Variants in FRMPD4 observed in about 807,000 individuals in gnomAD.
The protein encoded by FRMPD4 is FERM and PDZ domain containing 4, also known as FERM and PDZ domain-containing protein 4.
Under a neutral mutation model 94.1 loss-of-function variants are expected in FRMPD4, and 22 were observed. The observed-to-expected ratio is 0.23, with a 90% CI of 0.17 to 0.33. The LOEUF (loss-of-function observed/expected upper bound fraction) is 0.33, where lower values mean the gene tolerates loss of function less well. Ranked by LOEUF, FRMPD4 falls within the 10% of genes least tolerant of loss-of-function variation. FRMPD4 has a pLI of 1.00. For synonymous variants in FRMPD4, 631 were observed against 548.6 expected (o/e 1.15, Z -2.10); for missense variants, 1,111 against 1,339.9 (o/e 0.83, Z 2.67).
At chrX:12,626,794 G>A (rs1237816157) in intron 4 of FRMPD4, among the ~76,000 whole-genome samples, 2 of 106,772 alleles carry the variant, frequency 1.9e-5, no homozygotes, top group Non-Finnish European at 3.9e-5. Flanking sequence ...CATTTAGAAG[G>A]GATCCATCCA....
At chrX:12,196,769 G>A (rs5979548) in intron 1 of FRMPD4, among the ~76,000 whole-genome samples, 452 of 109,940 alleles carry the variant, frequency 4.1e-3, no homozygotes, top group African/African-American at 0.014. Context: ...GGAAGTACAT[G>A]TAGCCAGGTA....
At chrX:12,434,717 C>T (rs1306403945) in intron 1 of FRMPD4, among the ~76,000 whole-genome samples, 3 of 112,397 alleles carry the variant, frequency 2.7e-5, no homozygotes, top group Non-Finnish European at 5.6e-5. Context: ...GGGCCCACTC[C>T]TGGTGCTGGG....
intron 1 of FRMPD4, among the ~76,000 whole-genome samples, chrX:12,145,314 G>A (rs954941281): frequency 3.6e-5 from 4 of 112,340 alleles, no homozygotes; most frequent in African/African-American, 1.3e-4. Flanking sequence ...ATTCAACATT[G>A]GATAACATAC....
At chrX:12,616,316 G>T (rs1210895875) in intron 4 of FRMPD4, among the ~76,000 whole-genome samples, 1 of 112,003 alleles carries the variant, frequency 8.9e-6, no homozygotes, top group Non-Finnish European at 1.9e-5. Flanking sequence ...GAGGAATGTG[G>T]CCTTTACCAA....
chrX:11,863,099 A>C (rs1199834236), intron 1 of FRMPD4, among the ~76,000 whole-genome samples: 3 of 106,725 alleles, frequency 2.8e-5, no homozygotes, highest in South Asian at 4.3e-4. Flanking sequence ...TATACATGTG[A>C]CATGTTGGTG....
chrX:12,291,951 A>G (rs2054696984), intron 1 of FRMPD4, among the ~76,000 whole-genome samples: 1 of 110,102 alleles, frequency 9.1e-6, no homozygotes, highest in Non-Finnish European at 1.9e-5. Context: ...CTGCTTGAAA[A>G]CTCTGCTGTC....
Position 12,058,959 on chromosome X carries a change from T to C in FRMPD4, c.95+180941T>C, listed in dbSNP as rs753489636. Among the ~76,000 whole-genome samples the C allele has an allele frequency of 3.5e-4, 39 of 111,596 alleles. No homozygotes were observed. In the South Asian group the frequency reaches 7.5e-3, roughly 22 times the overall value. ...CAATAGTGTTGGGGTTTAGAAACTGTACTAAGTGAAAAAAGCAGTCTCTAA... is the reference window on the plus strand; with the variant it reads ...CAATAGTGTTGGGGTTTAGAAACTGCACTAAGTGAAAAAAGCAGTCTCTAA... On this transcript the variant is annotated intron_variant, in intron 3 of 18. Transcript: ENST00000640291.
intron 3 of FRMPD4, among the ~76,000 whole-genome samples, chrX:11,987,427 G>T (rs2054437971): frequency 9.0e-6 from 1 of 111,372 alleles, no homozygotes; most frequent in African/African-American, 3.3e-5. Flanking sequence ...ACCTCAACAT[G>T]ATAAAAGCCA....
intron 1 of FRMPD4, among the ~76,000 whole-genome samples, chrX:12,392,065 G>A (rs1335457014): frequency 9.1e-6 from 1 of 109,448 alleles, no homozygotes; most frequent in African/African-American, 3.3e-5. Context: ...AAAGAGTCTC[G>A]TTCTGTCGCC....
chrX:11,945,188 C>T (rs940659675), intron 3 of FRMPD4, among the ~76,000 whole-genome samples: 1 of 111,894 alleles, frequency 8.9e-6, no homozygotes, highest in African/African-American at 3.3e-5. Context: ...AGCTCATTTC[C>T]TCAGCAAAGG....
chrX:11,872,711 T>C (rs1019109910), intron 2 of FRMPD4, among the ~76,000 whole-genome samples: 6 of 112,374 alleles, frequency 5.3e-5, no homozygotes, highest in African/African-American at 1.6e-4. Context: ...ATCTATTTTT[T>C]AGAGTTTAAC....
At chrX:12,515,410 C>A (rs906461406) in intron 2 of FRMPD4, among the ~76,000 whole-genome samples, 3 of 111,845 alleles carry the variant, frequency 2.7e-5, no homozygotes, top group African/African-American at 9.8e-5. Context: ...TCATTGGTTT[C>A]AAAGAACTTC....
chrX:12,587,035 G>A (rs929125501), intron 2 of FRMPD4, among the ~76,000 whole-genome samples: 3 of 108,886 alleles, frequency 2.8e-5, no homozygotes, highest in Non-Finnish European at 5.7e-5. Context: ...GGAGTGTAGC[G>A]GTGTGATCTC....
intron 4 of FRMPD4, among the ~76,000 whole-genome samples, chrX:12,616,784 T>C (rs185919304): frequency 8.9e-6 from 1 of 112,542 alleles, no homozygotes; most frequent in East Asian, 2.8e-4. Flanking sequence ...TTCTATCGGC[T>C]TGCATCCTGG....
intron 3 of FRMPD4, chrX:12,055,043 G>A (rs753182103): frequency 1.8e-5 from 2 of 112,090 alleles, no homozygotes; most frequent in East Asian, 5.6e-4. Context: ...TAATTAGCTT[G>A]ATTTAATTAT....
intron 4 of FRMPD4, among the ~76,000 whole-genome samples, chrX:12,670,095 T>C (rs1487856110): frequency 8.9e-6 from 1 of 111,817 alleles, no homozygotes; most frequent in African/African-American, 3.3e-5. Flanking sequence ...ACAAATAAAT[T>C]CAGTGCCACT....
In FRMPD4 at chrX:12,193,774, G is replaced by GA. The variant is rs748805072; in HGVS notation, c.41+54762_41+54763insA. On this transcript the variant is annotated intron_variant, in intron 1 of 16. Transcript: ENST00000675598. ...AAACAGAAAGAAAGAAAGAAAGAAA[G>GA]GAAGGAAGGAAGGAAGGAAGGAAGG... Among the ~76,000 whole-genome samples, 74 of 24,728 alleles carry GA rather than the reference G, an allele frequency of 3.0e-3. 7 individuals are homozygous for GA. Among genetic ancestry groups the GA allele is most frequent in the Non-Finnish European group, 4.1e-3 (67 of 16,493 alleles). The allele number at this position is 24,728 out of a possible 115,157, so 21.5% of individuals were successfully genotyped here. A position where few individuals can be genotyped will look rare whatever the true frequency, so the allele number is the denominator to read the frequency against.
intron 1 of FRMPD4, among the ~76,000 whole-genome samples, chrX:12,438,762 G>A (rs1427224745): frequency 9.0e-6 from 1 of 111,541 alleles, no homozygotes; most frequent in Non-Finnish European, 1.9e-5. Flanking sequence ...CTGCCTTTAA[G>A]TCACATGGAA....
chrX:12,019,166 GA>G (rs1279813659), intron 3 of FRMPD4, among the ~76,000 whole-genome samples: 3 of 105,517 alleles, frequency 2.8e-5, no homozygotes, highest in Non-Finnish European at 5.8e-5. Context: ...TTTGTTTAGA[GA>G]TTTTTTTTTT....
Sources: gnomAD v4.1 joint callset for allele counts (sites outside exome capture counted in the v4.1 genomes callset) on GRCh38, gnomAD v4.1.1 for gene constraint, MANE v1.5 for transcripts, NCBI Gene and HGNC (gene_info 2026-07-23, HGNC 2026-07-21) for gene names.